The following CCDC91 variants were observed in gnomAD, a reference collection of about 807,000 sequenced individuals.
CCDC91 encodes the protein coiled-coil domain-containing protein 91.
A neutral mutation model predicts 63.2 loss-of-function variants in CCDC91; 48 were observed. The observed-to-expected ratio is 0.76, with a 90% CI of 0.60 to 0.97. The LOEUF (loss-of-function observed/expected upper bound fraction) is 0.97, where lower values mean the gene tolerates loss of function less well. Ranked by LOEUF, CCDC91 falls within the 50% of genes least tolerant of loss-of-function variation. CCDC91 has a pLI of 0.00. For synonymous variants in CCDC91, 167 were observed against 165.8 expected, an observed-to-expected ratio of 1.01 and a Z score of -0.06; for missense variants, 500 against 494.6, an observed-to-expected ratio of 1.01 and a Z score of -0.10.
intron 8 of CCDC91, among the ~76,000 whole-genome samples, chr12:28,424,691 C>T (rs1332010202): frequency 6.6e-6 from 1 of 152,002 alleles, no homozygotes; most frequent in African/African-American, 2.4e-5. Flanking sequence ...TTGGGTAGAA[C>T]ACATTTCTTT....
chr12:28,272,913 T>C (rs1947883595), intron 3 of CCDC91, among the ~76,000 whole-genome samples: 1 of 152,066 alleles, frequency 6.6e-6, no homozygotes, highest in African/African-American at 2.4e-5. Flanking sequence ...TATGTATACA[T>C]GTGCCATGTT....
At chr12:28,359,782 C>CTTTCTTTTTTTTTTTTTTTTTT (rs1565853546) in intron 6 of CCDC91, among the ~76,000 whole-genome samples, 7 of 151,956 alleles carry the variant, frequency 4.6e-5, no homozygotes, top group African/African-American at 1.7e-4. Flanking sequence ...CAGAATATTT[C>CTTTCTTTTTTTTTTTTTTTTTT]TATTTACTTT....
Position 28,390,382 on chromosome 12 carries a change from G to GTTTATTA in CCDC91, c.655-918_655-917insTTATTTA, listed in dbSNP as rs138883280. On this transcript the variant is annotated intron_variant, in intron 7 of 12. Transcript: ENST00000536442. Reference sequence around the variant, plus strand: ...CAACTTATTATTTTGGTTATGAGTAGTTTAAACAGACATCTAAAAATAGAA... The same window carrying GTTTATTA: ...CAACTTATTATTTTGGTTATGAGTAGTTTATTATTTAAACAGACATCTAAAAATAGAA... Among the ~76,000 whole-genome samples the GTTTATTA allele has an allele frequency of 9.2e-3, 1,404 of 151,916 alleles. 25 individuals are homozygous for GTTTATTA. Among genetic ancestry groups the GTTTATTA allele is most frequent in the African/African-American group, 0.032 (1,334 of 41,458 alleles).
At chr12:28,539,500 G>T (rs1287694524) in intron 12 of CCDC91, among the ~76,000 whole-genome samples, 1 of 152,104 alleles carries the variant, frequency 6.6e-6, no homozygotes, top group Non-Finnish European at 1.5e-5. Context: ...TGCTGTTTTG[G>T]TTACTGTAGC....
At chr12:28,325,873 A>G (rs1940946030) in intron 6 of CCDC91, among the ~76,000 whole-genome samples, 1 of 152,086 alleles carries the variant, frequency 6.6e-6, no homozygotes, top group Non-Finnish European at 1.5e-5. Flanking sequence ...GTTGTGTTTA[A>G]TTTTATATTT....
intron 3 of CCDC91, among the ~76,000 whole-genome samples, chr12:28,264,581 C>CTGTGTGTGTGTG (rs1357762563): frequency 3.0e-4 from 9 of 29,982 alleles, no homozygotes; most frequent in African/African-American, 4.2e-4. Flanking sequence ...ATATATATGT[C>CTGTGTGTGTGTG]TGTCTGTGTG....
intron 8 of CCDC91, among the ~76,000 whole-genome samples, chr12:28,406,228 A>G (rs1288604148): frequency 6.6e-6 from 1 of 151,604 alleles, no homozygotes; most frequent in African/African-American, 2.4e-5. Flanking sequence ...GCTATTCTTC[A>G]TGGTGGAAAT....
At chr12:28,235,743 A>G (rs990676434) in intron 1 of CCDC91, among the ~76,000 whole-genome samples, 1 of 152,092 alleles carries the variant, frequency 6.6e-6, no homozygotes, top group African/African-American at 2.4e-5. Flanking sequence ...TGAGTGGACT[A>G]GGTCTGAGTA....
intron 3 of CCDC91, among the ~76,000 whole-genome samples, chr12:28,284,298 G>C (rs1253549919): frequency 6.6e-6 from 1 of 152,098 alleles, no homozygotes; most frequent in Non-Finnish European, 1.5e-5. Flanking sequence ...GGACTGTCTA[G>C]CACCCTTTGC....
chr12:28,356,207 G>A (rs1283977020), intron 6 of CCDC91, among the ~76,000 whole-genome samples: 1 of 152,106 alleles, frequency 6.6e-6, no homozygotes, highest in African/African-American at 2.4e-5. Flanking sequence ...GTTGCATAAT[G>A]TTGTATCATG....
At chr12:28,411,967 C>G (rs1947346567) in intron 8 of CCDC91, among the ~76,000 whole-genome samples, 1 of 152,170 alleles carries the variant, frequency 6.6e-6, no homozygotes, top group Admixed American at 6.5e-5. Flanking sequence ...CCCAACACCA[C>G]CACATTGGAG....
chr12:28,231,185 A>G (rs1944573347), intron 1 of CCDC91, among the ~76,000 whole-genome samples: 1 of 152,176 alleles, frequency 6.6e-6, no homozygotes, highest in African/African-American at 2.4e-5. Context: ...TGTGAGAAAT[A>G]AACTGGAAAT....
chr12:28,344,457 C>T (rs749408104), intron 6 of CCDC91, among the ~76,000 whole-genome samples: 2 of 152,036 alleles, frequency 1.3e-5, no homozygotes, highest in African/African-American at 2.4e-5. Flanking sequence ...ATATTTTACT[C>T]TCATTTGAAA....
rs61731729 is a variant in CCDC91 at position 28,484,157 on chromosome 12, C to A, written c.1207C>A (p.Gln403Lys). ...RDELIEYIKE[Q>K]KRLDQVIRQR... ...TGAATTGATAGAGTATATAAAAGAA[C>A]AGAAAAGGGTAAGTATCTCCTGAAG... The change falls in exon 12 of 13, where the codon CAG becomes AAG. Residue 403 changes from glutamine to lysine, a missense_variant. Coordinates refer to ENST00000536442, the MANE Select transcript of CCDC91 (RefSeq NM_018318.5). 3.0e-3 allele frequency: 4,817 copies of A among 1,587,890 alleles called. 135 individuals carry two copies. The African/African-American group carries it at 0.057, about 19-fold the overall frequency.
chr12:28,283,741 T>G (rs917061820), intron 3 of CCDC91, among the ~76,000 whole-genome samples: 1 of 152,220 alleles, frequency 6.6e-6, no homozygotes, highest in African/African-American at 2.4e-5. Context: ...AGCCTGAATG[T>G]AATTTTATAC....
At chr12:28,358,770 G>C (rs1161485366) in intron 6 of CCDC91, among the ~76,000 whole-genome samples, 4 of 152,168 alleles carry the variant, frequency 2.6e-5, no homozygotes, top group African/African-American at 4.8e-5. Flanking sequence ...TCTCTAGTAA[G>C]ATAATTTTTG....
At chr12:28,429,954 G>A (rs1457395228) in intron 8 of CCDC91, among the ~76,000 whole-genome samples, 2 of 151,904 alleles carry the variant, frequency 1.3e-5, no homozygotes, top group Admixed American at 6.6e-5. Flanking sequence ...GACCTTTTGT[G>A]ATTTTGAGTC....
intron 8 of CCDC91, among the ~76,000 whole-genome samples, chr12:28,439,953 TTA>T (rs2140191407): frequency 6.6e-6 from 1 of 151,882 alleles, no homozygotes; most frequent in East Asian, 1.9e-4. Context: ...TGGTTTGCAT[TTA>T]TTTCTTCAAT....
chr12:28,462,455 T>A (rs1157936078), intron 11 of CCDC91, among the ~76,000 whole-genome samples: 3 of 152,014 alleles, frequency 2.0e-5, no homozygotes, highest in Non-Finnish European at 4.4e-5. Flanking sequence ...AGTAGGAGCA[T>A]GAAAAAAATT....
Sources: allele counts gnomAD v4.1 joint callset (sites outside exome capture counted in the v4.1 genomes callset), GRCh38; gene constraint gnomAD v4.1.1; transcripts MANE v1.5; gene names NCBI Gene and HGNC (gene_info 2026-07-23, HGNC 2026-07-21).